Variants in E2F8 observed in about 807,000 individuals in gnomAD.
E2F8 encodes the protein transcription factor E2F8.
Under a neutral mutation model 80.8 loss-of-function variants are expected in E2F8, and 35 were observed. The ratio of observed to expected loss-of-function variants is 0.43; its 90% CI spans 0.33 to 0.57. The LOEUF is 0.57. E2F8 is among the 20% of genes least tolerant of loss of function. E2F8 has a pLI of 0.04. For missense variants in E2F8, 975 were observed against 1,056.2 expected, an observed-to-expected ratio of 0.92 and a Z score of 1.07; for synonymous variants, 386 against 395.0, an observed-to-expected ratio of 0.98 and a Z score of 0.27.
Position 19,224,515 on chromosome 11 carries a change from G to A in E2F8, c.*143C>T. The A allele has an allele frequency of 1.5e-6, 1 of 662,610 alleles. No homozygotes were observed. Among genetic ancestry groups the A allele is most frequent in the Non-Finnish European group, 2.5e-6 (1 of 401,808 alleles). The allele number at this position is 662,610 out of a possible 1,614,324, so 41.0% of individuals were successfully genotyped here. On this transcript the variant is annotated 3_prime_UTR_variant, in exon 13 of 13. Coordinates refer to ENST00000250024, the MANE Select transcript of E2F8 (RefSeq NM_024680.4). ...TGTGTGTGTATATATATATATGTAT[G>A]AAAACAACTATCTGATTTCACATTG...
intron 10 of E2F8, among the ~76,000 whole-genome samples, chr11:19,228,120 T>C (rs1054027722): frequency 6.6e-6 from 1 of 151,978 alleles, no homozygotes; most frequent in Non-Finnish European, 1.5e-5. Context: ...TGCAGAGATA[T>C]AAAAAAGAAG....
Position 19,230,786 on chromosome 11 carries a change from C to T in E2F8, c.1115G>A (p.Arg372Gln), listed in dbSNP as rs375962806. The change falls in exon 8 of 13, where the codon CGG (arginine) becomes CAG (glutamine). Residue 372 changes from arginine (R) to glutamine (Q), a missense_variant. By Grantham distance (43) the Arg-to-Gln change is conservative. Coordinates refer to ENST00000250024, the MANE Select transcript of E2F8 (RefSeq NM_024680.4). ...TTTGGCACAGTTCTCTTTTGAAGAC[C>T]GTCTCACCTCCAAATCAGAGGGAGT... ...HFTPSDLEVR[R>Q]SSKENCAKNL... is the part of the protein sequence containing the mutation. The T allele has an allele frequency of 2.5e-5, 40 of 1,614,036 alleles. No homozygotes were observed. Among genetic ancestry groups the T allele is most frequent in the South Asian group, 9.9e-5 (9 of 91,080 alleles).
intron 8 of E2F8, 120 bp downstream of exon 8, chr11:19,230,511 G>A: frequency 1.6e-6 from 2 of 1,272,290 alleles, no homozygotes; most frequent in South Asian, 1.4e-5. Context: ...CTTCAAGAGG[G>A]TTTGGGTATA....
At chr11:19,227,384 T>G (rs1851263073) in intron 10 of E2F8, among the ~76,000 whole-genome samples, 1 of 152,218 alleles carries the variant, frequency 6.6e-6, no homozygotes, top group African/African-American at 2.4e-5. Flanking sequence ...TTTAGTTATA[T>G]TCTCTCATGG....
rs1437238062 is a variant in E2F8, at chr11:19,234,840, A to T, written c.670T>A (p.Tyr224Asn). The T allele has an allele frequency of 6.2e-7, 1 of 1,614,084 alleles. No homozygotes were observed. The highest frequency in any genetic ancestry group is 2.2e-5 in the East Asian group (1 of 44,904). Residue 224 changes from tyrosine to asparagine, a missense_variant, in exon 5 of 13, where the codon TAC becomes AAC. Physicochemically the swap from Tyr to Asn is moderately radical, Grantham distance 143. Transcript: ENST00000250024. ...YEQEFDFIKS[Y>N]SIEDHIIKSN... ...TTGATGATATGATCCTCTATACTGTAACTCTTAATAAAGTCAAACTCTTGC... is the reference window on the plus strand; with the variant it reads ...TTGATGATATGATCCTCTATACTGTTACTCTTAATAAAGTCAAACTCTTGC...
chr11:19,228,823 G>A (rs555174325), intron 10 of E2F8, among the ~76,000 whole-genome samples: 6 of 152,210 alleles, frequency 3.9e-5, no homozygotes, highest in African/African-American at 1.2e-4. Context: ...TGCTATATGT[G>A]GGTAGGCATC....
In E2F8 at chr11:19,237,463, A is replaced by G; in HGVS notation, c.302T>C (p.Leu101Ser). 1 of 1,613,400 alleles carries G rather than the reference A, an allele frequency of 6.2e-7. No homozygotes were observed. Among genetic ancestry groups the G allele is most frequent in the Non-Finnish European group, 8.5e-7 (1 of 1,179,768 alleles). Reference sequence around the variant, plus strand: ...GGATTTCTCAAATTCATCTCCAGATAAGTGTTCCTACAAAGGAAAAGGTAA... The same window carrying G: ...GGATTTCTCAAATTCATCTCCAGATGAGTGTTCCTACAAAGGAAAAGGTAA... ...PEAKDCIHEHLSGDEFEKSQP... is the reference protein window; with the variant it reads ...PEAKDCIHEHSSGDEFEKSQP... Residue 101 changes from leucine (L) to serine (S), a missense_variant, in exon 4 of 13, where the codon TTA becomes TCA. Coordinates refer to ENST00000250024, the MANE Select transcript of E2F8 (RefSeq NM_024680.4).
rs781701491 is a variant in E2F8, at chr11:19,225,261, T to G, written c.2381A>C (p.Gln794Pro). 7.4e-5 allele frequency: 120 copies of G among 1,613,924 alleles called. No homozygotes were observed. The highest frequency in any genetic ancestry group is 1.0e-4 in the Non-Finnish European group (118 of 1,180,058). ...NYDSPVPGQS[Q>P]PNGQSVAVTG... ...CACAGCAACTGATTGTCCATTTGGC[T>G]GGCTCTGGCCTGGGACTGGTGAGTC... The change falls in exon 12 of 13, where the codon CAG (glutamine) becomes CCG (proline). Residue 794 changes from glutamine to proline, a missense_variant. Gln to Pro is a moderately conservative substitution (Grantham distance 76, BLOSUM62 -1). Coordinates refer to ENST00000250024, the MANE Select transcript of E2F8 (RefSeq NM_024680.4).
chr11:19,227,266 C>G (rs1049211079), intron 10 of E2F8, among the ~76,000 whole-genome samples: 3 of 152,126 alleles, frequency 2.0e-5, no homozygotes, highest in African/African-American at 7.2e-5. Flanking sequence ...TTCTTAAGTA[C>G]TTGGTCCCAC....
At chr11:19,227,477 C>A (rs528869466) in intron 10 of E2F8, among the ~76,000 whole-genome samples, 1 of 152,182 alleles carries the variant, frequency 6.6e-6, no homozygotes, top group African/African-American at 2.4e-5. Context: ...TTTAAATTTC[C>A]AACAAACTAT....
intron 10 of E2F8, among the ~76,000 whole-genome samples, chr11:19,227,420 A>C (rs2133556656): frequency 6.6e-6 from 1 of 152,334 alleles, no homozygotes; most frequent in East Asian, 1.9e-4. Context: ...CTGCTGGTTT[A>C]ACTCTTTCAA....
intron 10 of E2F8, among the ~76,000 whole-genome samples, chr11:19,227,057 T>C (rs1205085813): frequency 6.6e-6 from 1 of 152,234 alleles, no homozygotes; most frequent in Non-Finnish European, 1.5e-5. Flanking sequence ...AAAGTCTGCT[T>C]TAGCCTTACC....
In E2F8 at chr11:19,234,730, C is replaced by G; in HGVS notation, c.766+14G>C. On this transcript the variant is annotated intron_variant, in intron 5 of 12. Coordinates refer to ENST00000250024, the MANE Select transcript of E2F8 (RefSeq NM_024680.4). ...AATGCCATGCCGCCTGGAGTTTTCA[C>G]TACCATCTCTCACCTGCCCGAAATT... The G allele has an allele frequency of 6.3e-7, 1 of 1,598,188 alleles. No homozygotes were observed. The highest frequency in any genetic ancestry group is 8.5e-7 in the Non-Finnish European group (1 of 1,171,782).
intron 3 of E2F8, 28 bp downstream of exon 3, chr11:19,237,826 G>C: frequency 6.3e-7 from 1 of 1,581,044 alleles, no homozygotes; most frequent in Non-Finnish European, 8.6e-7. Flanking sequence ...AAATTCCCCA[G>C]CCTCCAACCA....
In E2F8 at chr11:19,229,622, G is replaced by T; in HGVS notation, c.1725C>A (p.Ala575=). 6.2e-7 allele frequency: 1 copy of T among 1,614,186 alleles called. No homozygotes were observed. Among genetic ancestry groups the T allele is most frequent in the Non-Finnish European group, 8.5e-7 (1 of 1,180,032 alleles). Residue 575 remains alanine (A), a synonymous_variant, in exon 10 of 13, where the codon GCC becomes GCA. Transcript: ENST00000250024. The surrounding 1 kb of genome is among the most constrained non-coding windows in gnomAD (Gnocchi z 4.3). ...GCAGCAAGCTTCCAGGCCTGGTAGA[G>T]GCACTGGCCTTTGAGGTATCATTGG... ...KAANDTSKAS[A]STRPGSLLPA...
chr11:19,241,185 C>T (rs564374872), upstream of E2F8, among the ~76,000 whole-genome samples: 1 of 152,218 alleles, frequency 6.6e-6, no homozygotes, highest in African/African-American at 2.4e-5. This position sits in a 1 kb window ranked among gnomAD's most constrained non-coding sequence, Gnocchi z 4.5. Context: ...CCCTTAGCTG[C>T]GCGGGGCCTG....
intron 1 of E2F8, 131 bp from the exon 2 acceptor site, chr11:19,240,361 A>C (rs1401228579): frequency 3.3e-6 from 1 of 304,730 alleles, no homozygotes; most frequent in Non-Finnish European, 6.1e-6. Context: ...TTTACATTTT[A>C]TTCTCGACCA....
chr11:19,238,518 T>G (rs941405649), intron 2 of E2F8, among the ~76,000 whole-genome samples: 1 of 152,236 alleles, frequency 6.6e-6, no homozygotes, highest in Admixed American at 6.5e-5. Context: ...CTGACAATGT[T>G]AAATGATCAA....
intron 10 of E2F8, among the ~76,000 whole-genome samples, chr11:19,226,289 T>G (rs1012660327): frequency 5.9e-5 from 9 of 152,242 alleles, no homozygotes. Context: ...GTCCATGGGT[T>G]GCAAACAGGC....
Sources: gnomAD v4.1 joint callset for allele counts (sites outside exome capture counted in the v4.1 genomes callset) on GRCh38, gnomAD v4.1.1 for gene constraint, Gnocchi (gnomAD v3.1) non-coding constraint, MANE v1.5 for transcripts, NCBI Gene and HGNC (gene_info 2026-07-23, HGNC 2026-07-21) for gene names.